FAM117A: variants seen among roughly 807,000 people sequenced by gnomAD.
FAM117A encodes the protein protein FAM117A.
FAM117A carries 21 observed loss-of-function variants against 44.1 expected under a neutral mutation model. The ratio of observed to expected loss-of-function variants is 0.48; its 90% CI spans 0.34 to 0.69. The LOEUF is 0.69. Ranked by LOEUF, FAM117A falls within the 30% of genes least tolerant of loss-of-function variation. The pLI is 0.01. For missense variants in FAM117A, 498 were observed against 589.9 expected (o/e 0.84, Z 1.61); for synonymous variants, 220 against 238.3 (o/e 0.92, Z 0.71).
In FAM117A at chr17:49,763,924, G is replaced by A; in HGVS notation, c.164C>T (p.Pro55Leu). The A allele has an allele frequency of 8.1e-7, 1 of 1,235,724 alleles. No homozygotes were observed. Among genetic ancestry groups the A allele is most frequent in the Non-Finnish European group, 1.0e-6 (1 of 991,046 alleles). The allele number at this position is 1,235,724 out of a possible 1,614,324, so 76.5% of individuals were successfully genotyped here. The change falls in exon 1 of 8, where the codon CCG becomes CTG. Residue 55 changes from proline to leucine, a missense_variant. This residue lies in a region of FAM117A where 270 missense variants were observed against 277.4 expected (regional missense o/e 0.97). Coordinates refer to ENST00000240364, the MANE Select transcript of FAM117A (RefSeq NM_030802.4). ...RATIPFQLQQ[P>L]HQRRDGGGRA... ...GCCACCCCCGTCCCGGCGCTGGTGC[G>A]GCTGCTGCAGCTGGAAGGGGATCGT...
chr17:49,754,863 A>AC (rs1189138830), intron 1 of FAM117A, among the ~76,000 whole-genome samples: 5 of 151,100 alleles, frequency 3.3e-5, no homozygotes, highest in African/African-American at 1.2e-4. Context: ...ACATGCAGAA[A>AC]CCCCATCTCT....
upstream of FAM117A, chr17:49,788,910 G>A (rs1055749080): frequency 1.4e-6 from 2 of 1,470,304 alleles, no homozygotes; most frequent in Admixed American, 2.2e-5. Flanking sequence ...GCACCGTGAC[G>A]CAGTTGGCCA....
chr17:49,773,856 C>T (rs1239621482), intron 1 of FAM117A, among the ~76,000 whole-genome samples: 4 of 151,994 alleles, frequency 2.6e-5, no homozygotes, highest in East Asian at 1.9e-4. Flanking sequence ...CTGGTTCAAG[C>T]GATTCTCCTG....
At chr17:49,771,248 T>C (rs1425355309) in intron 1 of FAM117A, among the ~76,000 whole-genome samples, 2 of 152,170 alleles carry the variant, frequency 1.3e-5, no homozygotes, top group African/African-American at 4.8e-5. Flanking sequence ...ACATGAGTAA[T>C]GGGTGAATTT....
intron 2 of FAM117A, among the ~76,000 whole-genome samples, chr17:49,723,470 C>T (rs953447320): frequency 1.3e-5 from 2 of 152,154 alleles, no homozygotes; most frequent in African/African-American, 4.8e-5. Flanking sequence ...AGGCCCAGAA[C>T]CCTCCCCACC....
upstream of FAM117A, among the ~76,000 whole-genome samples, chr17:49,768,264 A>G (rs926038429): frequency 1.3e-5 from 2 of 151,936 alleles, no homozygotes; most frequent in East Asian, 3.9e-4. Context: ...GGAACTTTCC[A>G]CTCCTGAAGG....
rs1330374568 is a variant in FAM117A at position 49,731,112 on chromosome 17, TAAAGG to T, written c.366+1434_366+1438del. Among the ~76,000 whole-genome samples the T allele has an allele frequency of 4.6e-5, 7 of 152,186 alleles. 1 individual carries two copies. The East Asian group carries it at 1.4e-3, about 29-fold the overall frequency. ...AAATGGATCGCATTAACAAAATAAA[TAAAGG>T]AAAGAAACTGACATGATGTGGTCAG... On this transcript the variant is annotated intron_variant, in intron 2 of 7. Transcript: ENST00000240364.
chr17:49,765,389 A>T (rs1238322543), upstream of FAM117A, among the ~76,000 whole-genome samples: 2 of 152,214 alleles, frequency 1.3e-5, no homozygotes, highest in Non-Finnish European at 2.9e-5. Flanking sequence ...TAAAAAGAAG[A>T]TATTCCCTGA....
intron 7 of FAM117A, among the ~76,000 whole-genome samples, chr17:49,714,526 C>T (rs1055443894): frequency 1.6e-4 from 25 of 151,596 alleles, no homozygotes; most frequent in African/African-American, 5.6e-4. Flanking sequence ...TTAGTAGAGG[C>T]TGGGTTTTGC....
intron 1 of FAM117A, among the ~76,000 whole-genome samples, chr17:49,777,732 C>A (rs1053912968): frequency 6.6e-6 from 1 of 152,084 alleles, no homozygotes; most frequent in Non-Finnish European, 1.5e-5. Flanking sequence ...TTCTTGGGAC[C>A]GGGGCTAATG....
chr17:49,742,373 T>C (rs1432286386), intron 1 of FAM117A, among the ~76,000 whole-genome samples: 2 of 152,214 alleles, frequency 1.3e-5, no homozygotes, highest in African/African-American at 4.8e-5. Flanking sequence ...TGGCTCTTTG[T>C]AACAGTAAGG....
At chr17:49,761,053 T>A (rs927313373) in intron 1 of FAM117A, among the ~76,000 whole-genome samples, 4 of 152,224 alleles carry the variant, frequency 2.6e-5, no homozygotes, top group Non-Finnish European at 4.4e-5. Flanking sequence ...CTTTACACCA[T>A]AACCCTTTTC....
At chr17:49,784,919 C>T (rs1213916273) in intron 1 of FAM117A, among the ~76,000 whole-genome samples, 2 of 152,234 alleles carry the variant, frequency 1.3e-5, no homozygotes, top group Non-Finnish European at 2.9e-5. Context: ...GGTAATCACT[C>T]TGTATGTCTT....
upstream of FAM117A, among the ~76,000 whole-genome samples, chr17:49,767,865 T>C (rs1210430642): frequency 6.6e-6 from 1 of 151,984 alleles, no homozygotes; most frequent in Non-Finnish European, 1.5e-5. Flanking sequence ...ATTGCACCAC[T>C]GCGCTCCAGA....
chr17:49,717,870 A>G (rs1313318333), intron 5 of FAM117A, 156 bp from the exon 6 acceptor site: 3 of 610,688 alleles, frequency 4.9e-6, no homozygotes, highest in Non-Finnish European at 8.3e-6. Flanking sequence ...TTCCCTGGCC[A>G]CCCTTCAATC....
At chr17:49,752,402 G>A (rs1567834273) in intron 1 of FAM117A, among the ~76,000 whole-genome samples, 1 of 152,110 alleles carries the variant, frequency 6.6e-6, no homozygotes. Flanking sequence ...GTTACACCAG[G>A]GGTCCCTTAC....
intron 2 of FAM117A, among the ~76,000 whole-genome samples, chr17:49,722,952 G>A (rs961427337): frequency 6.6e-6 from 1 of 152,130 alleles, no homozygotes; most frequent in Admixed American, 6.5e-5. Context: ...CTCAGGCTCC[G>A]GGAATCACTG....
At chr17:49,778,428 G>T (rs1041064124) in intron 1 of FAM117A, among the ~76,000 whole-genome samples, 12 of 152,208 alleles carry the variant, frequency 7.9e-5, no homozygotes, top group African/African-American at 2.9e-4. Context: ...AAATCTGCAT[G>T]TATCTCCTTT....
intron 1 of FAM117A, among the ~76,000 whole-genome samples, chr17:49,738,500 C>A (rs1372021239): frequency 6.6e-6 from 1 of 152,224 alleles, no homozygotes; most frequent in East Asian, 1.9e-4. Flanking sequence ...GACTCCCTCT[C>A]CCCTGGCAGA....
Sources: gnomAD v4.1 joint callset for allele counts (sites outside exome capture counted in the v4.1 genomes callset) on GRCh38, gnomAD v4.1.1 for gene constraint, gnomAD v4.1.1 regional missense constraint, MANE v1.5 for transcripts, NCBI Gene and HGNC (gene_info 2026-07-23, HGNC 2026-07-21) for gene names.